The following ADGRL2 variants were observed in gnomAD, a reference collection of about 807,000 sequenced individuals.
ADGRL2 encodes adhesion G protein-coupled receptor L2.
In ADGRL2, 44 loss-of-function variants were observed where a neutral mutation model predicts 157.4. The ratio of observed to expected loss-of-function variants is 0.28; its 90% CI spans 0.22 to 0.36. ADGRL2 has a LOEUF of 0.36. Among genes scored for constraint, ADGRL2 ranks in the 10% least tolerant of loss-of-function variants. The pLI, the probability that ADGRL2 is intolerant of heterozygous loss-of-function variation, is 1.00. For synonymous variants in ADGRL2, 585 were observed against 624.7 expected, an observed-to-expected ratio of 0.94 and a Z score of 0.95; for missense variants, 1,510 against 1,768.9, an observed-to-expected ratio of 0.85 and a Z score of 2.63.
chr1:81,485,759 AAG>A (rs751457438), intron 2 of ADGRL2, among the ~76,000 whole-genome samples: 3 of 152,152 alleles, frequency 2.0e-5, no homozygotes, highest in Non-Finnish European at 2.9e-5. Context: ...ACATTTAGAA[AAG>A]AGAGAGCCAG....
At chr1:81,572,098 G>A (rs187709495) in intron 2 of ADGRL2, among the ~76,000 whole-genome samples, 4 of 152,312 alleles carry the variant, frequency 2.6e-5, no homozygotes. Flanking sequence ...CAAATAGACT[G>A]GCTAACAGGA....
chr1:81,606,856 C>T (rs2148656617), intron 3 of ADGRL2, among the ~76,000 whole-genome samples: 1 of 152,028 alleles, frequency 6.6e-6, no homozygotes, highest in African/African-American at 2.4e-5. Context: ...AGTACTTGAC[C>T]TCTGCAATCA....
intron 2 of ADGRL2, among the ~76,000 whole-genome samples, chr1:81,788,766 A>T (rs1447273652): frequency 1.3e-5 from 2 of 151,936 alleles, no homozygotes; most frequent in African/African-American, 2.4e-5. Context: ...CCCAGGCTGG[A>T]GTGCAGTGGC....
At chr1:81,350,301 C>T (rs1441917147) in intron 1 of ADGRL2, among the ~76,000 whole-genome samples, 1 of 152,182 alleles carries the variant, frequency 6.6e-6, no homozygotes, top group Non-Finnish European at 1.5e-5. Context: ...AATGTTCAGA[C>T]AATAATTCAT....
intron 1 of ADGRL2, among the ~76,000 whole-genome samples, chr1:81,833,874 C>T (rs754053): frequency 0.26 from 39,078 of 151,934 alleles, 5,158 homozygotes; most frequent in South Asian, 0.37. Context: ...GATGCATTAA[C>T]GGACTTTTTA....
At chr1:81,461,659 T>G (rs959663716) in intron 2 of ADGRL2, among the ~76,000 whole-genome samples, 1 of 152,218 alleles carries the variant, frequency 6.6e-6, no homozygotes, top group African/African-American at 2.4e-5. Context: ...TATCTATACA[T>G]ACTTCAGAGA....
chr1:81,654,339 G>A (rs2082485299), intron 3 of ADGRL2, among the ~76,000 whole-genome samples: 1 of 152,090 alleles, frequency 6.6e-6, no homozygotes, highest in Admixed American at 6.6e-5. Context: ...TCTTTTGTTT[G>A]TTCCACCTTC....
chr1:81,743,005 G>A (rs1013246487), intron 1 of ADGRL2, among the ~76,000 whole-genome samples: 1 of 151,808 alleles, frequency 6.6e-6, no homozygotes, highest in African/African-American at 2.4e-5. Flanking sequence ...AGACAAGAGG[G>A]ACAGGGCTTA....
In ADGRL2 at chr1:81,943,330, C is replaced by A; in HGVS notation, c.771C>A (p.Thr257=). The A allele has an allele frequency of 6.2e-7, 1 of 1,613,548 alleles. No homozygotes were observed. The highest frequency in any genetic ancestry group is 1.1e-5 in the South Asian group (1 of 91,074). The change falls in exon 6 of 24, where the codon ACC becomes ACA. Residue 257 remains threonine, a synonymous_variant. Coordinates refer to ENST00000686636, the MANE Select transcript of ADGRL2 (RefSeq NM_001366006.2). The surrounding 1 kb of genome is among the most constrained non-coding windows in gnomAD (Gnocchi z 5.6). ...AIINYANYHD[T]SPYRWGGKTD... is the part of the protein sequence containing the mutation. ...TTAACTATGCCAACTACCATGATAC[C>A]TCACCATACAGATGGGGAGGAAAGA...
intron 2 of ADGRL2, among the ~76,000 whole-genome samples, chr1:81,459,030 T>A (rs2077866654): frequency 1.3e-5 from 2 of 152,134 alleles, no homozygotes. Context: ...GGTAACCCTC[T>A]GTGTGAGAGG....
intron 3 of ADGRL2, among the ~76,000 whole-genome samples, chr1:81,660,836 T>A (rs2082634964): frequency 6.6e-6 from 1 of 152,208 alleles, no homozygotes; most frequent in Non-Finnish European, 1.5e-5. Context: ...GGTCAAACAC[T>A]GTGCAATTAT....
At chr1:81,344,708 G>C (rs1662353371) in intron 1 of ADGRL2, among the ~76,000 whole-genome samples, 1 of 140,706 alleles carries the variant, frequency 7.1e-6, no homozygotes, top group Non-Finnish European at 1.5e-5. Context: ...ATATTTAAAA[G>C]TGTGTTTTGT....
chr1:81,740,105 G>C (rs72715761), intron 1 of ADGRL2, among the ~76,000 whole-genome samples: 1 of 152,166 alleles, frequency 6.6e-6, no homozygotes, highest in African/African-American at 2.4e-5. Flanking sequence ...GAACTCACTT[G>C]TTAGCCCACA....
At chr1:81,965,475 A>G (rs1193352358) in intron 11 of ADGRL2, among the ~76,000 whole-genome samples, 1 of 152,186 alleles carries the variant, frequency 6.6e-6, no homozygotes, top group Non-Finnish European at 1.5e-5. Flanking sequence ...TTCATCATAA[A>G]TATATTCTTG....
intron 3 of ADGRL2, among the ~76,000 whole-genome samples, chr1:81,918,064 G>A (rs77187842): frequency 0.067 from 10,154 of 152,184 alleles, 344 homozygotes; most frequent in South Asian, 0.093. Flanking sequence ...GAATAGCCAA[G>A]CGCATTTAGA....
chr1:81,920,091 G>A (rs2094943151), intron 3 of ADGRL2, among the ~76,000 whole-genome samples: 2 of 152,102 alleles, frequency 1.3e-5, no homozygotes, highest in Admixed American at 6.6e-5. Context: ...CCAAATAGCC[G>A]AGAGGTCTAA....
chr1:81,906,972 T>G (rs1444959889), intron 2 of ADGRL2, 45 bp from the exon 3 acceptor site: 1 of 1,433,366 alleles, frequency 7.0e-7, no homozygotes, highest in African/African-American at 1.4e-5. Context: ...ATAATTTATC[T>G]TATAAATGAG....
At chr1:81,559,885 A>G (rs1359067056) in intron 2 of ADGRL2, among the ~76,000 whole-genome samples, 1 of 144,732 alleles carries the variant, frequency 6.9e-6, no homozygotes, top group Non-Finnish European at 1.6e-5. Flanking sequence ...TTAATATTAA[A>G]CATCTTTAAT....
intron 2 of ADGRL2, among the ~76,000 whole-genome samples, chr1:81,537,632 C>G (rs956207570): frequency 1.3e-5 from 2 of 152,072 alleles, no homozygotes; most frequent in South Asian, 4.2e-4. Flanking sequence ...ACTAAAAGTA[C>G]TGCTATTTTT....
Sources: allele counts gnomAD v4.1 joint callset (sites outside exome capture counted in the v4.1 genomes callset), GRCh38; gene constraint gnomAD v4.1.1; non-coding constraint Gnocchi (gnomAD v3.1); transcripts MANE v1.5; gene names NCBI Gene and HGNC (gene_info 2026-07-23, HGNC 2026-07-21).